The following DNMT1 variants were observed in gnomAD, a reference collection of about 807,000 sequenced individuals.
DNMT1 encodes the protein DNA (cytosine-5)-methyltransferase 1.
In DNMT1, 24 loss-of-function variants were observed where a neutral mutation model predicts 205.3. The ratio of observed to expected loss-of-function variants is 0.12; its 90% CI spans 0.08 to 0.16. The LOEUF (loss-of-function observed/expected upper bound fraction) is 0.16. DNMT1 is among the 10% of genes least tolerant of loss of function. The pLI, the probability that DNMT1 is intolerant of heterozygous loss-of-function variation, is 1.00. For synonymous variants in DNMT1, 817 were observed against 839.8 expected (o/e 0.97, Z 0.47); for missense variants, 1,293 against 2,177.7 (o/e 0.59, Z 8.09).
At chr19:10,164,913 TAAAAAAAAAAAAAAAAAAAAAAAA>T (rs535161745) in intron 11 of DNMT1, among the ~76,000 whole-genome samples, 3,792 of 34,054 alleles carry the variant, frequency 0.11, 141 homozygotes, top group Middle Eastern at 0.15. Flanking sequence ...GAGACTATCT[TAAAAAAAAAAAAAAAAAAAAAAAA>T]AAAAAAAAAA....
In DNMT1 at chr19:10,146,918, A is replaced by C. The variant is rs1307227782; in HGVS notation, c.2721-394T>G. 6.6e-6 allele frequency among the ~76,000 whole-genome samples: 1 copy of C among 152,184 alleles called. No individual in the cohort carries two copies. Among genetic ancestry groups the C allele is most frequent in the Non-Finnish European group, 1.5e-5 (1 of 68,032 alleles). On this transcript the variant is annotated intron_variant, in intron 27 of 40. Coordinates refer to ENST00000359526, the MANE Select transcript of DNMT1 (RefSeq NM_001130823.3). The surrounding 1 kb of genome is among the most constrained non-coding windows in gnomAD (Gnocchi z 4.4). ...CAGGTATTTGAGGAAATTCAACATT[A>C]TTCTTGACTAGTAAGCCCTTAAAGG...
intron 39 of DNMT1, 29 bp downstream of exon 39, chr19:10,135,707 C>T: frequency 6.2e-7 from 1 of 1,600,976 alleles, no homozygotes; most frequent in Non-Finnish European, 8.5e-7. Flanking sequence ...TCCTTCCTGT[C>T]CAGACCCAGC....
chr19:10,157,012 ATG>A (rs2038469750), intron 17 of DNMT1, among the ~76,000 whole-genome samples: 1 of 152,184 alleles, frequency 6.6e-6, no homozygotes, highest in South Asian at 2.1e-4. Flanking sequence ...CATCAAGTGT[ATG>A]TGTGTCTGCA....
At chr19:10,173,758 C>A in intron 8 of DNMT1, 113 bp downstream of exon 8, 1 of 1,185,514 alleles carries the variant, frequency 8.4e-7, no homozygotes, top group Non-Finnish European at 1.3e-6. Flanking sequence ...TCCCAAAGTG[C>A]TGAGATTACA....
Position 10,140,730 on chromosome 19 carries a change from G to C in DNMT1, c.3523+51C>G, listed in dbSNP as rs2089584745. The C allele has an allele frequency of 6.2e-7, 1 of 1,613,532 alleles. No individual in the cohort carries two copies. The highest frequency in any genetic ancestry group is 1.1e-5 in the South Asian group (1 of 91,082). On this transcript the variant is annotated intron_variant, in intron 32 of 40. Coordinates refer to ENST00000359526, the MANE Select transcript of DNMT1 (RefSeq NM_001130823.3). This position sits in a 1 kb window ranked among gnomAD's most constrained non-coding sequence, Gnocchi z 8.4. ...TTGGAAGTCGTTTCAGGTAGCACCTGCCCGGTCTGGGCTCACCAGGTATTC... is the reference window on the plus strand; with the variant it reads ...TTGGAAGTCGTTTCAGGTAGCACCTCCCCGGTCTGGGCTCACCAGGTATTC...
intron 30 of DNMT1, 129 bp from the exon 31 acceptor site, chr19:10,141,318 C>T (rs1002067938): frequency 3.6e-5 from 31 of 861,376 alleles, no homozygotes; most frequent in Non-Finnish European, 5.6e-5. Flanking sequence ...AATTAGCCAC[C>T]AATAAGAGTA....
intron 1 of DNMT1, among the ~76,000 whole-genome samples, chr19:10,186,043 G>A (rs774234964): frequency 6.6e-6 from 1 of 152,032 alleles, no homozygotes; most frequent in African/African-American, 2.4e-5. Flanking sequence ...TCTCAGTCAC[G>A]CCGCTGAGAA....
chr19:10,174,925 C>T (rs572088440), intron 7 of DNMT1, among the ~76,000 whole-genome samples: 2 of 149,678 alleles, frequency 1.3e-5, no homozygotes, highest in South Asian at 2.1e-4. Flanking sequence ...CGTGGTGGCA[C>T]GCGCCTGTAG....
Position 10,151,294 on chromosome 19 carries a change from G to C in DNMT1, c.2265+104C>G. The C allele has an allele frequency of 4.6e-6, 7 of 1,534,632 alleles. No homozygotes were observed. Among genetic ancestry groups the C allele is most frequent in the Admixed American group, 1.7e-5 (1 of 59,876 alleles). ...GGGGCAAACAGACAGGTTTCTTAGT[G>C]CCGGGGCTCAGGCTGCCTGAGAGGT... is the stretch of plus-strand genomic sequence containing the variant. On this transcript the variant is annotated intron_variant, in intron 24 of 40. Coordinates refer to ENST00000359526, the MANE Select transcript of DNMT1 (RefSeq NM_001130823.3). The surrounding 1 kb of genome is among the most constrained non-coding windows in gnomAD (Gnocchi z 5.0).
At position 10,159,112 on chromosome 19, in the gene DNMT1, C is replaced by T. The variant is rs1032862203; in HGVS notation, c.1280+546G>A. Among the ~76,000 whole-genome samples the T allele has an allele frequency of 2.0e-5, 3 of 152,118 alleles. No homozygotes were observed. The highest frequency in any genetic ancestry group is 2.9e-5 in the Non-Finnish European group (2 of 68,032). On this transcript the variant is annotated intron_variant, in intron 17 of 40. Coordinates refer to ENST00000359526, the MANE Select transcript of DNMT1 (RefSeq NM_001130823.3). The surrounding 1 kb of genome is among the most constrained non-coding windows in gnomAD (Gnocchi z 5.0). ...AGCACAGAGTAGGCCTTCATCTGAG[C>T]GTGTGACCCTCAGGATGTGGGCAGA... is the stretch of plus-strand genomic sequence containing the variant.
chr19:10,177,992 G>A (rs1420476103), intron 5 of DNMT1, among the ~76,000 whole-genome samples: 1 of 151,970 alleles, frequency 6.6e-6, no homozygotes, highest in Admixed American at 6.6e-5. Flanking sequence ...AGGTGCAGTG[G>A]CTCATGCCTG....
chr19:10,137,659 C>A lies in DNMT1; in HGVS notation c.4293+173G>T. On this transcript the variant is annotated intron_variant, in intron 36 of 40. Transcript: ENST00000359526. The surrounding 1 kb of genome is among the most constrained non-coding windows in gnomAD (Gnocchi z 6.4). ...AAGTCCAGGACTGCGGGAGCTCTGA[C>A]ACTTCCCATGACCATGCAAGAGAGA... 1.1e-6 allele frequency: 1 copy of A among 948,908 alleles called. No individual in the cohort carries two copies. 58.8% of individuals were successfully genotyped at this position (948,908 alleles called of 1,614,324 possible). A position where few individuals can be genotyped will look rare whatever the true frequency, so the allele number is the denominator to read the frequency against.
rs1016450654 is a variant in DNMT1 at position 10,162,709 on chromosome 19, T to C, written c.966A>G (p.Lys322=). ...KRRPEEKEPE[K]VNPQISDEKD... ...TTTCATCAGAAATCTGTGGATTTAC[T>C]TTTTCAGGTTCTTTTTCTTCGGGCC... The change falls in exon 13 of 41, where the codon AAA becomes AAG. Residue 322 remains lysine, a synonymous_variant. Coordinates refer to ENST00000359526, the MANE Select transcript of DNMT1 (RefSeq NM_001130823.3). The C allele has an allele frequency of 6.2e-7, 1 of 1,614,066 alleles. No individual in the cohort carries two copies. The highest frequency in any genetic ancestry group is 8.5e-7 in the Non-Finnish European group (1 of 1,180,014).
rs2089468962 is a variant in DNMT1 at position 10,135,849 on chromosome 19, G to A, written c.4660C>T (p.Arg1554Cys). 2 of 1,550,898 alleles carry A rather than the reference G, an allele frequency of 1.3e-6. No individual in the cohort carries two copies. Among genetic ancestry groups the A allele is most frequent in the Non-Finnish European group, 1.7e-6 (2 of 1,150,566 alleles). ...TNPEPMGKQGRVLHPEQHRVV... is the reference protein window; with the variant it reads ...TNPEPMGKQGCVLHPEQHRVV... ...CGGTGCTGCTCTGGGTGGAGCACGC[G>A]GCCCTGGGGGAAAGAGGCGCGGTGG... Residue 1554 changes from arginine (R) to cysteine (C), a missense_variant, in exon 39 of 41, where the codon CGC becomes TGC. Transcript: ENST00000359526.
At position 10,156,283 on chromosome 19, in the gene DNMT1, G is replaced by A; in HGVS notation, c.1399+108C>T. ...GCTCGTCTCAAACTCCCGGGCTCAA[G>A]TGATCCTCTGGCCTCAGACCCCCAA... is the stretch of plus-strand genomic sequence containing the variant. On this transcript the variant is annotated intron_variant, in intron 18 of 40. Coordinates refer to ENST00000359526, the MANE Select transcript of DNMT1 (RefSeq NM_001130823.3). This position sits in a 1 kb window ranked among gnomAD's most constrained non-coding sequence, Gnocchi z 4.2. 1.1e-6 allele frequency: 1 copy of A among 892,884 alleles called. No individual in the cohort carries two copies. The highest frequency in any genetic ancestry group is 2.5e-5 in the East Asian group (1 of 39,704). The allele number at this position is 892,884 out of a possible 1,614,324, so 55.3% of individuals were successfully genotyped here.
At chr19:10,174,623 C>T (rs1033583979) in intron 7 of DNMT1, among the ~76,000 whole-genome samples, 1 of 151,980 alleles carries the variant, frequency 6.6e-6, no homozygotes, top group Admixed American at 6.6e-5. Flanking sequence ...TGGAGAGTCA[C>T]TTGAACCCAG....
chr19:10,148,722 C>T (rs2038261192), intron 27 of DNMT1, among the ~76,000 whole-genome samples, 162 bp downstream of exon 27: 1 of 152,186 alleles, frequency 6.6e-6, no homozygotes, highest in South Asian at 2.1e-4. Flanking sequence ...TCCAGGCCAT[C>T]TACACACTTG....
intron 24 of DNMT1, among the ~76,000 whole-genome samples, chr19:10,150,446 G>A (rs557294800): frequency 1.3e-5 from 2 of 152,230 alleles, no homozygotes; most frequent in South Asian, 4.2e-4. Context: ...CTCCATCTCA[G>A]CCCAGGTGTC....
At chr19:10,182,847 G>A (rs1302875195) in intron 1 of DNMT1, among the ~76,000 whole-genome samples, 1 of 151,252 alleles carries the variant, frequency 6.6e-6, no homozygotes, top group Non-Finnish European at 1.5e-5. Context: ...TGTATTTTGA[G>A]TAGAGACAGG....
Sources: gnomAD v4.1 joint callset for allele counts (sites outside exome capture counted in the v4.1 genomes callset) on GRCh38, gnomAD v4.1.1 for gene constraint, Gnocchi (gnomAD v3.1) non-coding constraint, MANE v1.5 for transcripts, NCBI Gene and HGNC (gene_info 2026-07-23, HGNC 2026-07-21) for gene names.